The following IQSEC3 variants were observed in gnomAD, a reference collection of about 807,000 sequenced individuals.
The protein encoded by IQSEC3 is IQ motif and SEC7 domain-containing protein 3.
A neutral mutation model predicts 105.4 loss-of-function variants in IQSEC3; 50 were observed. That is an observed-to-expected ratio of 0.47 (90% CI 0.38 to 0.60). IQSEC3 has a LOEUF of 0.60. IQSEC3 is among the 20% of genes least tolerant of loss of function. The probability of loss-of-function intolerance (pLI) is 0.00; values close to 1 mark genes in which losing one functional copy is unlikely to be tolerated. For missense variants in IQSEC3, 1,415 were observed against 1,630.0 expected (o/e 0.87, Z 2.27); for synonymous variants, 708 against 746.0 (o/e 0.95, Z 0.83).
chr12:103,408 T>C (rs1243659473), intron 2 of IQSEC3, among the ~76,000 whole-genome samples: 1 of 67,910 alleles, frequency 1.5e-5, no homozygotes, highest in African/African-American at 6.1e-5. Context: ...GAAGACGAAG[T>C]GGGGCTCAAG....
intron 2 of IQSEC3, among the ~76,000 whole-genome samples, chr12:121,407 C>T (rs1865213671): frequency 6.6e-6 from 1 of 152,186 alleles, no homozygotes; most frequent in South Asian, 2.1e-4. Context: ...TCTTGATGCT[C>T]AGCCACCAAA....
intron 5 of IQSEC3, chr12:148,699 T>A (rs565136899): frequency 1.3e-5 from 2 of 152,356 alleles, no homozygotes; most frequent in South Asian, 4.1e-4. Flanking sequence ...ATATTTTTAA[T>A]TGAATTGTAG....
At chr12:97,027 G>A (rs892070615) in intron 1 of IQSEC3, among the ~76,000 whole-genome samples, 9 of 152,212 alleles carry the variant, frequency 5.9e-5, no homozygotes, top group South Asian at 2.1e-4. Flanking sequence ...GCATCTCAGC[G>A]TGACTTTAAT....
At chr12:170,695 C>T (rs1312959582) in intron 12 of IQSEC3, among the ~76,000 whole-genome samples, 1 of 152,226 alleles carries the variant, frequency 6.6e-6, no homozygotes, top group Non-Finnish European at 1.5e-5. Context: ...CAGGCCTCAG[C>T]CCATTCAGTC....
intron 6 of IQSEC3, 46 bp downstream of exon 6, chr12:157,193 G>A: frequency 6.7e-7 from 1 of 1,486,284 alleles, no homozygotes; most frequent in South Asian, 1.4e-5. Flanking sequence ...CCCAGCGTGG[G>A]GAAGCCGGGC....
chr12:97,933 G>A lies in IQSEC3; in HGVS notation c.555-1213G>A, dbSNP rs1045126378. ...TGCCTGGGAGGTGGCTACCAAATTC[G>A]GGGCTAGGAGGTCTGGGGAAGTGGT... is the stretch of plus-strand genomic sequence containing the variant. On this transcript the variant is annotated intron_variant, in intron 1 of 13. Transcript: ENST00000538872. Among the ~76,000 whole-genome samples, 11 of 152,318 alleles carry A rather than the reference G, an allele frequency of 7.2e-5. No individual in the cohort carries two copies. The East Asian group carries it at 9.6e-4, about 13-fold the overall frequency.
intron 1 of IQSEC3, among the ~76,000 whole-genome samples, chr12:91,322 G>A (rs529196664): frequency 1.3e-5 from 2 of 152,242 alleles, no homozygotes; most frequent in South Asian, 4.2e-4. Context: ...TATAGATGTG[G>A]GAAGTTACAG....
At chr12:89,656 G>C (rs1864021349) in intron 1 of IQSEC3, among the ~76,000 whole-genome samples, 1 of 151,948 alleles carries the variant, frequency 6.6e-6, no homozygotes, top group Non-Finnish European at 1.5e-5. Context: ...CAATATAGTT[G>C]TGTCTTTTCT....
chr12:121,379 CAG>C (rs1555081899), intron 2 of IQSEC3, among the ~76,000 whole-genome samples: 1 of 152,186 alleles, frequency 6.6e-6, no homozygotes, highest in Non-Finnish European at 1.5e-5. Flanking sequence ...CAGAGGAAAA[CAG>C]AGGCTGAGGA....
chr12:139,467 C>CTGG, intron 4 of IQSEC3, 113 bp downstream of exon 4: 1 of 792,478 alleles, frequency 1.3e-6, no homozygotes, highest in Non-Finnish European at 2.0e-6. Flanking sequence ...CACGTCATGC[C>CTGG]AGGGTCCTCC....
rs146730547 is a variant in IQSEC3 at position 122,548 on chromosome 12, G to T, written c.624-3085G>T. Among the ~76,000 whole-genome samples, 469 of 152,352 alleles carry T rather than the reference G, an allele frequency of 3.1e-3. 3 individuals are homozygous for T. The highest frequency in any genetic ancestry group is 0.01 in the African/African-American group (435 of 41,576). ...TTGGGACAAGGTGACCCCAGGAAAG[G>T]GCTGTAGAGGAGTAGGGAAATGAAA... On this transcript the variant is annotated intron_variant, in intron 2 of 13. Coordinates refer to ENST00000538872, the MANE Select transcript of IQSEC3 (RefSeq NM_001170738.2).
chr12:83,592 G>C (rs1396426327), intron 1 of IQSEC3, among the ~76,000 whole-genome samples: 1 of 151,760 alleles, frequency 6.6e-6, no homozygotes, highest in Non-Finnish European at 1.5e-5. Flanking sequence ...AAGAAGGGAA[G>C]GGGGGCCAGA....
intron 5 of IQSEC3, chr12:144,697 TC>T (rs1866190379): frequency 6.6e-6 from 1 of 152,196 alleles, no homozygotes. Context: ...AGCTGACATC[TC>T]CATCCTTTTG....
At chr12:158,686 A>G (rs1466711590) in intron 7 of IQSEC3, among the ~76,000 whole-genome samples, 2 of 152,068 alleles carry the variant, frequency 1.3e-5, no homozygotes, top group African/African-American at 4.8e-5. Context: ...CTTGTTAATT[A>G]TTATTTCTGT....
chr12:141,105 T>TCCCCCCCCC lies in IQSEC3; in HGVS notation c.1992-15_1992-14insCCCCCCCCC. On this transcript the variant is annotated intron_variant, in intron 4 of 13. Coordinates refer to ENST00000538872, the MANE Select transcript of IQSEC3 (RefSeq NM_001170738.2). The stretch of plus-strand genomic sequence containing the variant: ...GCTTCAGCTCACTCTCTACTGCTTC[T>TCCCCCCCCC]CCCCACCCCCACCTCCAGAAACCCC... The TCCCCCCCCC allele has an allele frequency of 1.3e-6, 2 of 1,578,004 alleles. No individual in the cohort carries two copies. Among genetic ancestry groups the TCCCCCCCCC allele is most frequent in the Non-Finnish European group, 1.7e-6 (2 of 1,151,366 alleles).
chr12:107,389 G>A (rs934471862), intron 2 of IQSEC3, among the ~76,000 whole-genome samples: 19 of 150,350 alleles, frequency 1.3e-4, no homozygotes, highest in Admixed American at 2.7e-4. Context: ...GTTTCCCTCC[G>A]GTAGTCTGTT....
chr12:83,459 C>T (rs1158926468), intron 1 of IQSEC3, among the ~76,000 whole-genome samples: 1 of 151,856 alleles, frequency 6.6e-6, no homozygotes, highest in African/African-American at 2.4e-5. Context: ...AAGAGAAGTC[C>T]TCACTTAGGG....
At chr12:114,222 T>C (rs1173868077) in intron 2 of IQSEC3, among the ~76,000 whole-genome samples, 1 of 152,178 alleles carries the variant, frequency 6.6e-6, no homozygotes, top group Non-Finnish European at 1.5e-5. Flanking sequence ...GGTCTAGAAA[T>C]TCAGATATGA....
intron 1 of IQSEC3, among the ~76,000 whole-genome samples, chr12:98,267 G>A (rs573327280): frequency 3.2e-4 from 49 of 152,266 alleles, no homozygotes; most frequent in South Asian, 1.4e-3. Flanking sequence ...GAGGTGGAAG[G>A]GACCTAGGAA....
Sources: allele counts gnomAD v4.1 joint callset (sites outside exome capture counted in the v4.1 genomes callset), GRCh38; gene constraint gnomAD v4.1.1; transcripts MANE v1.5; gene names NCBI Gene and HGNC (gene_info 2026-07-23, HGNC 2026-07-21).